MACROD2: variants seen among roughly 807,000 people sequenced by gnomAD.
MACROD2 encodes mono-ADP ribosylhydrolase 2.
Under a neutral mutation model 70.4 loss-of-function variants are expected in MACROD2, and 36 were observed. That is an observed-to-expected ratio of 0.51 (90% confidence interval 0.39 to 0.68). The LOEUF is 0.68. Among genes scored for constraint, MACROD2 ranks in the 30% least tolerant of loss-of-function variants. The pLI, the probability that MACROD2 is intolerant of heterozygous loss-of-function variation, is 0.00. For missense variants in MACROD2, 496 were observed against 538.4 expected (o/e 0.92, Z 0.78); for synonymous variants, 172 against 178.8 (o/e 0.96, Z 0.30).
At chr20:15,121,127 C>G (rs1271883588) in intron 5 of MACROD2, among the ~76,000 whole-genome samples, 1 of 152,134 alleles carries the variant, frequency 6.6e-6, no homozygotes, top group East Asian at 1.9e-4. Flanking sequence ...TTGTTTAAAA[C>G]TAAAACCAGT....
At chr20:15,414,512 A>G (rs373302933) in intron 6 of MACROD2, among the ~76,000 whole-genome samples, 2 of 152,354 alleles carry the variant, frequency 1.3e-5, no homozygotes, top group African/African-American at 4.8e-5. Flanking sequence ...GAAACAATTG[A>G]GTCTGTGATA....
At chr20:15,449,955 A>G (rs2146391231) in intron 7 of MACROD2, among the ~76,000 whole-genome samples, 1 of 152,316 alleles carries the variant, frequency 6.6e-6, no homozygotes, top group South Asian at 2.1e-4. Flanking sequence ...AGATTGCGCC[A>G]CTGCACTCCA....
chr20:15,995,681 A>ATTTTTTTTT (rs1209726941), intron 15 of MACROD2, among the ~76,000 whole-genome samples: 2 of 84,446 alleles, frequency 2.4e-5, no homozygotes, highest in Non-Finnish European at 5.1e-5. Context: ...ACTTTTTAAG[A>ATTTTTTTTT]TTCCTCATAT....
rs547481710 is a variant in MACROD2 at position 15,716,368 on chromosome 20, C to T, written c.646-146377C>T. ...CAGTGTAAGGTGTTTAAGACATGGT[C>T]GATTCTAGATATGTGTTCGCATTTT... On this transcript the variant is annotated intron_variant, in intron 8 of 17. Coordinates refer to ENST00000684519, the MANE Select transcript of MACROD2 (RefSeq NM_001351661.2). Among the ~76,000 whole-genome samples, 4 of 152,196 alleles carry T rather than the reference C, an allele frequency of 2.6e-5. No homozygotes were observed. In the South Asian group the frequency reaches 6.2e-4, roughly 24 times the overall value.
rs2064815987 is a variant in MACROD2 at position 15,885,880 on chromosome 20, A to AT, written c.775+75dup. 1.7e-5 allele frequency: 24 copies of AT among 1,398,214 alleles called. No individual in the cohort carries two copies. The South Asian group carries it at 3.6e-4, about 21-fold the overall frequency. The allele number at this position is 1,398,214 out of a possible 1,614,324, so 86.6% of individuals were successfully genotyped here. A position where few individuals can be genotyped will look rare whatever the true frequency, so the allele number is the denominator to read the frequency against. On this transcript the variant is annotated intron_variant, in intron 10 of 17. Transcript: ENST00000684519. ...ATTTTGTTGTTTATGTACACTTCATATTTTTTCAACGAAAGACAAAATAAG... is the reference window on the plus strand; with the variant it reads ...ATTTTGTTGTTTATGTACACTTCATATTTTTTTCAACGAAAGACAAAATAAG...
At chr20:15,933,455 G>A (rs1212153740) in intron 11 of MACROD2, 117 bp downstream of exon 11, 3 of 904,978 alleles carry the variant, frequency 3.3e-6, no homozygotes, top group African/African-American at 3.4e-5. Context: ...GAACTCCAGT[G>A]TTCATTCAGG....
chr20:15,045,719 G>GTTTTTTTTTTTTT (rs71335981), intron 5 of MACROD2, among the ~76,000 whole-genome samples: 3 of 73,380 alleles, frequency 4.1e-5, no homozygotes, highest in Admixed American at 2.1e-4. Context: ...CCAGACCAGG[G>GTTTTTTTTTTTTT]TTTTTTTTTT....
At chr20:15,344,775 T>G (rs969970747) in intron 6 of MACROD2, among the ~76,000 whole-genome samples, 1 of 152,320 alleles carries the variant, frequency 6.6e-6, no homozygotes, top group South Asian at 2.1e-4. Flanking sequence ...AGAAGATAAG[T>G]AGCCATAGAA....
intron 4 of MACROD2, among the ~76,000 whole-genome samples, chr20:14,607,682 T>A (rs1397139119): frequency 6.6e-6 from 1 of 152,152 alleles, no homozygotes; most frequent in Non-Finnish European, 1.5e-5. Context: ...AAAACAGATT[T>A]CCTTTGTTAT....
chr20:16,022,076 C>A (rs775101), intron 15 of MACROD2, among the ~76,000 whole-genome samples: 136,190 of 139,444 alleles, frequency 0.98, 66,597 homozygotes, highest in Non-Finnish European at 1. Context: ...TTTGAGACAG[C>A]GTCTCACTCT....
At chr20:15,271,502 T>TTGGAA (rs765648618) in intron 6 of MACROD2, among the ~76,000 whole-genome samples, 39 of 152,324 alleles carry the variant, frequency 2.6e-4, no homozygotes, top group Non-Finnish European at 4.3e-4. Context: ...ATGTCTATCT[T>TTGGAA]ATTTACCAGT....
chr20:14,968,855 G>A (rs531383954), intron 5 of MACROD2, among the ~76,000 whole-genome samples: 3 of 152,084 alleles, frequency 2.0e-5, no homozygotes, highest in African/African-American at 7.2e-5. Flanking sequence ...TCTAGCCCTG[G>A]GGTTCAAGTT....
chr20:15,604,459 T>A (rs2146694939), intron 8 of MACROD2, among the ~76,000 whole-genome samples: 1 of 152,310 alleles, frequency 6.6e-6, no homozygotes, highest in East Asian at 1.9e-4. Context: ...CCACAGGCAA[T>A]TCTACAGCAG....
At chr20:14,991,514 T>C (rs866294298) in intron 5 of MACROD2, among the ~76,000 whole-genome samples, 7 of 152,332 alleles carry the variant, frequency 4.6e-5, no homozygotes, top group African/African-American at 1.7e-4. Flanking sequence ...GCAAAGGAGC[T>C]AACTGAGGCT....
At chr20:15,775,841 T>C (rs920637891) in intron 8 of MACROD2, among the ~76,000 whole-genome samples, 1 of 152,124 alleles carries the variant, frequency 6.6e-6, no homozygotes, top group African/African-American at 2.4e-5. Flanking sequence ...AAAGTAAGAA[T>C]AAAGTTGGCC....
At chr20:15,770,593 T>C (rs1402952910) in intron 8 of MACROD2, among the ~76,000 whole-genome samples, 1 of 152,054 alleles carries the variant, frequency 6.6e-6, no homozygotes, top group Non-Finnish European at 1.5e-5. Flanking sequence ...AAAACAATAA[T>C]GTAGGGTATC....
At chr20:16,019,309 G>A (rs117776354) in intron 15 of MACROD2, among the ~76,000 whole-genome samples, 3,212 of 152,242 alleles carry the variant, frequency 0.021, 53 homozygotes, top group Non-Finnish European at 0.031. Context: ...ACAACTAGCC[G>A]GGTTTGCATC....
intron 5 of MACROD2, among the ~76,000 whole-genome samples, chr20:15,216,485 AG>A (rs1214807872): frequency 6.6e-6 from 1 of 152,208 alleles, no homozygotes; most frequent in Non-Finnish European, 1.5e-5. Flanking sequence ...TTTTTCTCAC[AG>A]TAGACGTGAA....
intron 5 of MACROD2, among the ~76,000 whole-genome samples, chr20:14,715,965 C>G (rs2071392644): frequency 6.6e-6 from 1 of 152,096 alleles, no homozygotes; most frequent in African/African-American, 2.4e-5. Flanking sequence ...ATCATCTAAA[C>G]ACCAAAAAAT....
Sources: gnomAD v4.1 joint callset for allele counts (sites outside exome capture counted in the v4.1 genomes callset) on GRCh38, gnomAD v4.1.1 for gene constraint, MANE v1.5 for transcripts, NCBI Gene and HGNC (gene_info 2026-07-23, HGNC 2026-07-21) for gene names.